Variants in NDUFAF1 observed in about 807,000 individuals in gnomAD.
NDUFAF1 encodes NADH:ubiquinone oxidoreductase complex assembly factor 1, also known as complex I intermediate-associated protein 30, mitochondrial.
Under a neutral mutation model 28.7 loss-of-function variants are expected in NDUFAF1, and 18 were observed. The observed-to-expected ratio is 0.63, with a 90% CI of 0.43 to 0.93. The LOEUF (loss-of-function observed/expected upper bound fraction) is 0.93. Among genes scored for constraint, NDUFAF1 ranks in the 40% least tolerant of loss-of-function variants. The pLI, the probability that NDUFAF1 is intolerant of heterozygous loss-of-function variation, is 0.00. For synonymous variants in NDUFAF1, 113 were observed against 139.7 expected, an observed-to-expected ratio of 0.81 and a Z score of 1.35; for missense variants, 404 against 398.3, an observed-to-expected ratio of 1.01 and a Z score of -0.12.
Position 41,387,591 on chromosome 15 carries a change from G to A in NDUFAF1, c.837C>T (p.Ile279=), listed in dbSNP as rs768761113. The change falls in exon 5 of 5, where the codon ATC becomes ATT. Residue 279 remains isoleucine (I), a splice_region_variant and synonymous_variant. Transcript: ENST00000260361. ...CAGCCAAGGTGAATCCTATAGAAGA[G>A]ATCTAAATTTAAAATACAGAAATTG... is the stretch of plus-strand genomic sequence containing the variant. The part of the protein sequence containing the change: ...DVQHELPLDK[I]SSIGFTLADK... 5 of 1,604,104 alleles carry A rather than the reference G, an allele frequency of 3.1e-6. No individual in the cohort carries two copies. Among genetic ancestry groups the A allele is most frequent in the Admixed American group, 1.7e-5 (1 of 59,914 alleles).
At chr15:41,389,547 G>T (rs1169825443) in intron 3 of NDUFAF1, among the ~76,000 whole-genome samples, 2 of 151,994 alleles carry the variant, frequency 1.3e-5, no homozygotes, top group African/African-American at 4.8e-5. Flanking sequence ...AACACAATAG[G>T]ATCAACTGAG....
chr15:41,396,925 AG>A lies in NDUFAF1; in HGVS notation c.134del (p.Ser45PhefsTer27). On this transcript the variant is annotated frameshift_variant, in exon 2 of 5. Coordinates refer to ENST00000260361, the MANE Select transcript of NDUFAF1 (RefSeq NM_016013.4). LOFTEE classifies it high-confidence loss of function. The part of the protein sequence containing the change: ...YSSSLQKPVA[S>X]PGKASSQRKT... ...TCCTCTGTGAGGAGGCTTTGCCAGG[AG>A]AAGCCACTGGTTTCTGAAGACTACT... 6.2e-7 allele frequency: 1 copy of A among 1,613,920 alleles called. No individual in the cohort carries two copies. Among genetic ancestry groups the A allele is most frequent in the Non-Finnish European group, 8.5e-7 (1 of 1,179,962 alleles).
intron 2 of NDUFAF1, 122 bp downstream of exon 2, chr15:41,396,365 G>T: frequency 1.1e-6 from 1 of 924,046 alleles, no homozygotes; most frequent in Non-Finnish European, 1.6e-6. Context: ...CACAGGTGAG[G>T]TGCCAAATAT....
intron 1 of NDUFAF1, among the ~76,000 whole-genome samples, chr15:41,398,737 T>C (rs2050424004): frequency 6.6e-6 from 1 of 151,790 alleles, no homozygotes; most frequent in African/African-American, 2.4e-5. Context: ...GACGGATCAC[T>C]TGAGGTCAGG....
chr15:41,401,076 C>T (rs530617784), intron 1 of NDUFAF1, among the ~76,000 whole-genome samples: 11 of 151,820 alleles, frequency 7.2e-5, no homozygotes, highest in African/African-American at 2.7e-4. Context: ...TTGTCTCAGC[C>T]TCCTGAATAG....
chr15:41,387,650 T>A, intron 4 of NDUFAF1, 57 bp from the exon 5 acceptor site: 2 of 1,447,082 alleles, frequency 1.4e-6, no homozygotes, highest in Non-Finnish European at 1.9e-6. Flanking sequence ...ACTGAGATTA[T>A]TCCAGGAGTT....
intron 1 of NDUFAF1, among the ~76,000 whole-genome samples, chr15:41,398,481 GAAA>G (rs375356140): frequency 8.5e-6 from 1 of 117,220 alleles, no homozygotes; most frequent in Non-Finnish European, 1.8e-5. Context: ...AATTCCATGT[GAAA>G]AAAAAAAAAA....
chr15:41,394,419 C>T (rs919419926), intron 3 of NDUFAF1: 3 of 1,280,962 alleles, frequency 2.3e-6, no homozygotes, highest in East Asian at 1.1e-4. Context: ...TATTTGGACA[C>T]AGAGCAGAGA....
intron 3 of NDUFAF1, 25 bp from the exon 4 acceptor site, chr15:41,388,547 A>G (rs778478444): frequency 8.7e-6 from 13 of 1,488,936 alleles, no homozygotes; most frequent in Middle Eastern, 1.7e-4. Flanking sequence ...CATTTACTTC[A>G]TAACTGAAAT....
chr15:41,392,058 ACTTTATT>A (rs754261904), intron 3 of NDUFAF1, among the ~76,000 whole-genome samples: 109 of 146,226 alleles, frequency 7.5e-4, no homozygotes, highest in Non-Finnish European at 1.2e-3. Flanking sequence ...AGGAGTTTGG[ACTTTATT>A]CTTTTTTTTT....
intron 3 of NDUFAF1, among the ~76,000 whole-genome samples, chr15:41,389,897 G>A (rs577064759): frequency 4.6e-5 from 7 of 152,094 alleles, no homozygotes; most frequent in South Asian, 4.2e-4. Flanking sequence ...AGTTTGTTCC[G>A]ACAGTAGAAA....
chr15:41,394,249 G>A, intron 3 of NDUFAF1: 1 of 604,038 alleles, frequency 1.7e-6, no homozygotes, highest in Non-Finnish European at 2.8e-6. Flanking sequence ...GGTCAGGCTG[G>A]TGTCGAACTC....
In NDUFAF1 at chr15:41,396,885, A is replaced by G; in HGVS notation, c.175T>C (p.Leu59=). ...ACTTCTTTCTGGTGATCTCCTTGCAAATCCCCTTCAGTCTTCCTCTGTGAG... is the reference window on the plus strand; with the variant it reads ...ACTTCTTTCTGGTGATCTCCTTGCAGATCCCCTTCAGTCTTCCTCTGTGAG... ...ASSQRKTEGD[L]QGDHQKEVAL... Residue 59 remains leucine, a synonymous_variant, in exon 2 of 5, where the codon TTG becomes CTG. Coordinates refer to ENST00000260361, the MANE Select transcript of NDUFAF1 (RefSeq NM_016013.4). The G allele has an allele frequency of 6.2e-7, 1 of 1,614,196 alleles. No individual in the cohort carries two copies. Among genetic ancestry groups the G allele is most frequent in the South Asian group, 1.1e-5 (1 of 91,086 alleles).
chr15:41,392,115 C>T (rs1039983222), intron 3 of NDUFAF1, among the ~76,000 whole-genome samples: 3 of 147,948 alleles, frequency 2.0e-5, no homozygotes, highest in African/African-American at 7.5e-5. Flanking sequence ...CTCTGTCACC[C>T]AGGGTGGAGT....
At chr15:41,393,121 GTTTTTTTT>G (rs763641971) in intron 3 of NDUFAF1, among the ~76,000 whole-genome samples, 1 of 123,962 alleles carries the variant, frequency 8.1e-6, no homozygotes, top group Non-Finnish European at 1.7e-5. Context: ...TTCTTGTTGA[GTTTTTTTT>G]TTTTTTTTTT....
chr15:41,401,100 C>T (rs900730596), intron 1 of NDUFAF1, among the ~76,000 whole-genome samples: 4 of 149,016 alleles, frequency 2.7e-5, no homozygotes, highest in Admixed American at 6.7e-5. Context: ...GGATTACAGG[C>T]GGGCGCCACC....
At chr15:41,399,716 C>T (rs1595411191) in intron 1 of NDUFAF1, among the ~76,000 whole-genome samples, 1 of 150,856 alleles carries the variant, frequency 6.6e-6, no homozygotes, top group African/African-American at 2.4e-5. Flanking sequence ...ATTAGCCGGG[C>T]GTAGTGGCGG....
intron 1 of NDUFAF1, among the ~76,000 whole-genome samples, chr15:41,398,494 A>G (rs1037012223): frequency 2.0e-5 from 3 of 151,358 alleles, no homozygotes; most frequent in African/African-American, 7.3e-5. Context: ...AAAAAAAAAA[A>G]AAGAGACAGG....
intron 1 of NDUFAF1, among the ~76,000 whole-genome samples, chr15:41,401,434 CTTT>C (rs748339568): frequency 7.2e-5 from 10 of 138,426 alleles, no homozygotes; most frequent in South Asian, 2.3e-4. Flanking sequence ...CCATGCCCAA[CTTT>C]TTTTTTTTTT....
Sources: gnomAD v4.1 joint callset for allele counts (sites outside exome capture counted in the v4.1 genomes callset) on GRCh38, gnomAD v4.1.1 for gene constraint, MANE v1.5 for transcripts, NCBI Gene and HGNC (gene_info 2026-07-23, HGNC 2026-07-21) for gene names.